FAAH2: variants seen among roughly 807,000 people sequenced by gnomAD.
FAAH2 encodes fatty-acid amide hydrolase 2.
Under a neutral mutation model 36.9 loss-of-function variants are expected in FAAH2, and 60 were observed. The observed-to-expected ratio is 1.63, with a 90% CI of 1.32 to 2.02. The LOEUF is 2.02. FAAH2 is among the 30% of genes most tolerant of loss of function. The probability of loss-of-function intolerance (pLI) is 0.00; values close to 1 mark genes in which losing one functional copy is unlikely to be tolerated. For missense variants in FAAH2, 689 were observed against 397.5 expected, an observed-to-expected ratio of 1.73 and a Z score of -6.23; for synonymous variants, 214 against 143.8, an observed-to-expected ratio of 1.49 and a Z score of -3.49.
intron 7 of FAAH2, among the ~76,000 whole-genome samples, chrX:57,426,636 TG>T (rs1390521123): frequency 8.9e-6 from 1 of 111,996 alleles, no homozygotes; most frequent in African/African-American, 3.2e-5. Flanking sequence ...TTAAACAACA[TG>T]TTCCTGCATA....
At chrX:57,468,326 T>A (rs1322580009) in intron 10 of FAAH2, among the ~76,000 whole-genome samples, 1 of 111,270 alleles carries the variant, frequency 9.0e-6, no homozygotes, top group African/African-American at 3.3e-5. Context: ...TCGAACCCAA[T>A]GCAAAGAAGT....
At chrX:57,450,379 G>A (rs1409450426) in intron 10 of FAAH2, among the ~76,000 whole-genome samples, 1 of 110,759 alleles carries the variant, frequency 9.0e-6, no homozygotes, top group East Asian at 2.8e-4. Context: ...AAAACCTGAG[G>A]AAACTGAATG....
At chrX:57,199,373 T>G in the FAAH2 span, among the ~76,000 whole-genome samples, 1 of 111,500 alleles carries the variant, frequency 9.0e-6, no homozygotes. Flanking sequence ...TTGATTAATT[T>G]CTGTGTATTT....
chrX:57,405,339 G>C (rs766540454), intron 7 of FAAH2, among the ~76,000 whole-genome samples: 2 of 111,179 alleles, frequency 1.8e-5, no homozygotes, highest in Non-Finnish European at 3.8e-5. Context: ...CATGCAGTGA[G>C]TGTTATAGCT....
chrX:57,189,191 T>A, the FAAH2 span, among the ~76,000 whole-genome samples: 1 of 110,954 alleles, frequency 9.0e-6, no homozygotes, highest in Non-Finnish European at 1.9e-5. Flanking sequence ...TGTTAATACT[T>A]GTGTAGGCTT....
intron 3 of FAAH2, among the ~76,000 whole-genome samples, chrX:57,324,914 T>C (rs1243923677): frequency 8.9e-6 from 1 of 112,282 alleles, no homozygotes; most frequent in Non-Finnish European, 1.9e-5. Flanking sequence ...CCCTGTCTTG[T>C]GCCAGTTTCC....
chrX:57,484,681 G>T (rs1569377914), intron 10 of FAAH2, among the ~76,000 whole-genome samples: 1 of 111,293 alleles, frequency 9.0e-6, no homozygotes, highest in African/African-American at 3.3e-5. Flanking sequence ...CTTCGTGGAA[G>T]TGAGAGGTCT....
the FAAH2 span, among the ~76,000 whole-genome samples, chrX:57,194,194 A>C: frequency 9.0e-6 from 1 of 111,304 alleles, no homozygotes; most frequent in Non-Finnish European, 1.9e-5. Flanking sequence ...TAAGGCTTTG[A>C]TCTCATTACT....
chrX:57,237,787 TA>T, the FAAH2 span, among the ~76,000 whole-genome samples: 12 of 110,063 alleles, frequency 1.1e-4, no homozygotes, highest in Admixed American at 8.7e-4. Context: ...ATAAGAAACT[TA>T]AAAAAAATCT....
At chrX:57,319,494 A>G (rs2052949406) in intron 3 of FAAH2, among the ~76,000 whole-genome samples, 2 of 112,063 alleles carry the variant, frequency 1.8e-5, no homozygotes, top group South Asian at 7.4e-4. Flanking sequence ...AAGGAGAACT[A>G]CAAACCACTG....
the FAAH2 span, among the ~76,000 whole-genome samples, chrX:57,221,786 G>T: frequency 1.8e-5 from 2 of 109,264 alleles, no homozygotes; most frequent in Non-Finnish European, 3.8e-5. Context: ...CCTTTATGTG[G>T]AATACCCCCG....
At chrX:57,230,748 G>A in the FAAH2 span, among the ~76,000 whole-genome samples, 1 of 111,091 alleles carries the variant, frequency 9.0e-6, no homozygotes, top group Non-Finnish European at 1.9e-5. Context: ...CCCTTATTAT[G>A]AGGACCTGAA....
chrX:57,291,332 T>A (rs1209101544), intron 1 of FAAH2, among the ~76,000 whole-genome samples: 1 of 112,215 alleles, frequency 8.9e-6, no homozygotes, highest in Non-Finnish European at 1.9e-5. Flanking sequence ...TCATGTATCA[T>A]ACCATTTTAG....
chrX:57,419,815 A>T lies in FAAH2; in HGVS notation c.997-12103A>T, dbSNP rs752661279. Among the ~76,000 whole-genome samples, 15 of 111,710 alleles carry T rather than the reference A, an allele frequency of 1.3e-4. No homozygotes were observed. The South Asian group carries it at 3.0e-3, about 22-fold the overall frequency. ...GCCCATGCCTATGTCCTGAATGGTAATGCCTAGGTTTTCTTCTAGGGTTTT... is the reference window on the plus strand; with the variant it reads ...GCCCATGCCTATGTCCTGAATGGTATTGCCTAGGTTTTCTTCTAGGGTTTT... On this transcript the variant is annotated intron_variant, in intron 7 of 10. Coordinates refer to ENST00000374900, the MANE Select transcript of FAAH2 (RefSeq NM_174912.4).
the FAAH2 span, among the ~76,000 whole-genome samples, chrX:57,154,442 A>C: frequency 9.8e-6 from 1 of 101,594 alleles, no homozygotes; most frequent in Non-Finnish European, 2.0e-5. Context: ...TTTTTTTTTT[A>C]TTGCATTTTT....
intron 3 of FAAH2, among the ~76,000 whole-genome samples, chrX:57,320,201 G>A (rs2052977069): frequency 8.9e-6 from 1 of 111,906 alleles, no homozygotes; most frequent in Admixed American, 9.5e-5. Flanking sequence ...CTTCTGAACA[G>A]CAAAAGAAAC....
chrX:57,444,330 C>T (rs900404463), intron 8 of FAAH2, among the ~76,000 whole-genome samples: 5 of 111,993 alleles, frequency 4.5e-5, no homozygotes, highest in Admixed American at 2.8e-4. Context: ...CCCCCAGCCT[C>T]GCTGCCACCT....
At chrX:57,169,226 G>A in the FAAH2 span, among the ~76,000 whole-genome samples, 1 of 107,281 alleles carries the variant, frequency 9.3e-6, no homozygotes, top group Non-Finnish European at 1.9e-5. Context: ...ATCCTTAAAG[G>A]CCCTATCTCC....
the FAAH2 span, among the ~76,000 whole-genome samples, chrX:57,213,103 C>G: frequency 6.3e-5 from 7 of 111,240 alleles, no homozygotes; most frequent in Admixed American, 6.7e-4. Flanking sequence ...TCTATGGCTT[C>G]TCATTTGTAA....
Sources: allele counts gnomAD v4.1 joint callset (sites outside exome capture counted in the v4.1 genomes callset), GRCh38; gene constraint gnomAD v4.1.1; transcripts MANE v1.5; gene names NCBI Gene and HGNC (gene_info 2026-07-23, HGNC 2026-07-21).